PABPC4L: variants seen among roughly 807,000 people sequenced by gnomAD.
PABPC4L encodes poly(A) binding protein cytoplasmic 4 like.
For synonymous variants in PABPC4L, 169 were observed against 164.1 expected (o/e 1.03, Z -0.23); for missense variants, 452 against 451.4 (o/e 1.00, Z -0.01).
chr4:134,176,990 C>T, the PABPC4L span, among the ~76,000 whole-genome samples: 3 of 152,118 alleles, frequency 2.0e-5, no homozygotes, highest in South Asian at 4.1e-4. Flanking sequence ...AATAGAGTCA[C>T]CAATTGTGGT....
chr4:134,173,035 C>T, the PABPC4L span, among the ~76,000 whole-genome samples: 3 of 150,822 alleles, frequency 2.0e-5, no homozygotes, highest in Admixed American at 2.0e-4. Context: ...GTTAAAACAG[C>T]TTTTATCAAA....
chr4:134,092,148 A>G, the PABPC4L span, among the ~76,000 whole-genome samples: 1 of 151,980 alleles, frequency 6.6e-6, no homozygotes, highest in Non-Finnish European at 1.5e-5. Flanking sequence ...CCCACTCACA[A>G]GCCTGGGCCC....
chr4:134,061,067 C>G, the PABPC4L span, among the ~76,000 whole-genome samples: 1 of 151,894 alleles, frequency 6.6e-6, no homozygotes, highest in Non-Finnish European at 1.5e-5. Context: ...TTAAAAATAA[C>G]TAAAAGAGTA....
At chr4:134,066,915 T>C in the PABPC4L span, among the ~76,000 whole-genome samples, 10 of 152,158 alleles carry the variant, frequency 6.6e-5, no homozygotes, top group Non-Finnish European at 1.3e-4. Flanking sequence ...GATTAGCTTT[T>C]TTATGTGCTG....
At chr4:134,122,867 A>G in the PABPC4L span, among the ~76,000 whole-genome samples, 1 of 151,906 alleles carries the variant, frequency 6.6e-6, no homozygotes, top group Non-Finnish European at 1.5e-5. Flanking sequence ...TTTTGTTTAC[A>G]TCACATATTT....
the PABPC4L span, among the ~76,000 whole-genome samples, chr4:133,999,447 T>C: frequency 9.7e-4 from 148 of 152,102 alleles, 1 homozygote; most frequent in Admixed American, 1.0e-3. Flanking sequence ...TTGCTTATTT[T>C]GGTCTTGTTG....
chr4:134,135,047 ATATAC>A, the PABPC4L span, among the ~76,000 whole-genome samples: 1 of 152,176 alleles, frequency 6.6e-6, no homozygotes, highest in Non-Finnish European at 1.5e-5. Flanking sequence ...GAATTAATAC[ATATAC>A]TAAACAATAA....
the PABPC4L span, among the ~76,000 whole-genome samples, chr4:134,047,142 G>A: frequency 6.6e-6 from 1 of 152,196 alleles, no homozygotes; most frequent in Admixed American, 6.6e-5. Flanking sequence ...TCTTGAGGGA[G>A]ACAGAAAGGA....
the PABPC4L span, among the ~76,000 whole-genome samples, chr4:133,950,512 C>T: frequency 6.6e-6 from 1 of 152,140 alleles, no homozygotes; most frequent in Non-Finnish European, 1.5e-5. Flanking sequence ...GACACATATG[C>T]TGGGGACCCC....
At chr4:134,099,908 A>T in the PABPC4L span, among the ~76,000 whole-genome samples, 1 of 151,890 alleles carries the variant, frequency 6.6e-6, no homozygotes, top group South Asian at 2.1e-4. Flanking sequence ...ATCTGCAGGC[A>T]TCATTCTGGA....
At chr4:134,113,715 A>G in the PABPC4L span, among the ~76,000 whole-genome samples, 1 of 151,872 alleles carries the variant, frequency 6.6e-6, no homozygotes, top group Non-Finnish European at 1.5e-5. Flanking sequence ...CAGGGGTTAA[A>G]AAAGACTACT....
At chr4:134,075,403 C>T in the PABPC4L span, among the ~76,000 whole-genome samples, 1 of 152,148 alleles carries the variant, frequency 6.6e-6, no homozygotes, top group Non-Finnish European at 1.5e-5. Flanking sequence ...TCAATATCTT[C>T]ATTGAGTAAA....
At chr4:134,189,430 T>C in the PABPC4L span, among the ~76,000 whole-genome samples, 1 of 151,560 alleles carries the variant, frequency 6.6e-6, no homozygotes, top group East Asian at 1.9e-4. Context: ...ATACATGGTA[T>C]ATATGGTATA....
chr4:134,194,660 T>C (rs1268126089), downstream of PABPC4L, among the ~76,000 whole-genome samples: 2 of 151,796 alleles, frequency 1.3e-5, no homozygotes, highest in East Asian at 1.9e-4. Flanking sequence ...TATTTTTTCA[T>C]AAACCAGTTG....
chr4:134,180,219 A>G, the PABPC4L span, among the ~76,000 whole-genome samples: 1 of 152,158 alleles, frequency 6.6e-6, no homozygotes, highest in Admixed American at 6.6e-5. Context: ...GCAATAAAAT[A>G]GAAATCAATG....
In PABPC4L at chr4:134,197,400, G is replaced by A. The variant is rs1729695446; in HGVS notation, c.*2507C>T. 1 of 151,604 alleles carries A rather than the reference G, an allele frequency of 6.6e-6. No homozygotes were observed. Among genetic ancestry groups the A allele is most frequent in the African/African-American group, 2.4e-5 (1 of 41,384 alleles). The allele number at this position is 151,604 out of a possible 1,614,324, so 9.4% of individuals were successfully genotyped here. ...AACACAATACAGATAAATTGTGTGG[G>A]TGTATATATATTTGTGTGAATATAT... On this transcript the variant is annotated 3_prime_UTR_variant, in exon 2 of 2. Transcript: ENST00000421491.
At chr4:133,992,725 C>T in the PABPC4L span, among the ~76,000 whole-genome samples, 2 of 152,104 alleles carry the variant, frequency 1.3e-5, no homozygotes, top group East Asian at 1.9e-4. Flanking sequence ...GGATCAATAC[C>T]GTATGCAAAT....
the PABPC4L span, among the ~76,000 whole-genome samples, chr4:133,986,323 C>G: frequency 6.6e-6 from 1 of 151,380 alleles, no homozygotes; most frequent in Non-Finnish European, 1.5e-5. Context: ...ACTAAGATAG[C>G]AAAACAAACC....
the PABPC4L span, among the ~76,000 whole-genome samples, chr4:134,124,017 TAG>T: frequency 3.7e-3 from 570 of 152,224 alleles, 2 homozygotes; most frequent in African/African-American, 0.013. Context: ...AGGTGATTTT[TAG>T]AGAGAGTTCA....
Sources: allele counts gnomAD v4.1 joint callset (sites outside exome capture counted in the v4.1 genomes callset), GRCh38; gene constraint gnomAD v4.1.1; transcripts MANE v1.5; gene names NCBI Gene and HGNC (gene_info 2026-07-23, HGNC 2026-07-21).